Variants in SLC9B1 observed in about 807,000 individuals in gnomAD.
SLC9B1 encodes the protein solute carrier family 9 member B1.
Under a neutral mutation model 51.7 loss-of-function variants are expected in SLC9B1, and 32 were observed. The ratio of observed to expected loss-of-function variants is 0.62; its 90% confidence interval spans 0.47 to 0.83. The LOEUF (loss-of-function observed/expected upper bound fraction) is 0.83. Among genes scored for constraint, SLC9B1 ranks in the 40% least tolerant of loss-of-function variants. The pLI, the probability that SLC9B1 is intolerant of heterozygous loss-of-function variation, is 0.00. For synonymous variants in SLC9B1, 145 were observed against 212.7 expected (o/e 0.68, Z 2.77); for missense variants, 406 against 613.2 (o/e 0.66, Z 3.57).
chr4:102,905,209 G>GTTTATTTGTTTATTTATTTATTTA (rs1734975336), intron 11 of SLC9B1, among the ~76,000 whole-genome samples: 1 of 145,974 alleles, frequency 6.9e-6, no homozygotes, highest in Non-Finnish European at 1.5e-5. Context: ...CTTTGTTTTT[G>GTTTATTTGTTTATTTATTTATTTA]TTTATTTATT....
At chr4:102,931,911 A>G (rs1363215196) in intron 7 of SLC9B1, among the ~76,000 whole-genome samples, 2 of 152,232 alleles carry the variant, frequency 1.3e-5, no homozygotes, top group East Asian at 3.8e-4. Flanking sequence ...TTGTCACATG[A>G]TTATTAAAAT....
At chr4:102,959,440 A>C (rs1162690399) in intron 3 of SLC9B1, among the ~76,000 whole-genome samples, 1 of 152,218 alleles carries the variant, frequency 6.6e-6, no homozygotes, top group Non-Finnish European at 1.5e-5. Context: ...AGAACATTGC[A>C]ATCTGTTAAG....
At chr4:102,962,192 A>G (rs1738172855) in intron 3 of SLC9B1, 5 of 518,540 alleles carry the variant, frequency 9.6e-6, no homozygotes, top group Non-Finnish European at 1.9e-5. Flanking sequence ...TTGCATTTCT[A>G]TCAGAGAGTC....
rs150180655 is a variant in SLC9B1 at position 102,984,446 on chromosome 4, G to A, written c.211+5354C>T. Among the ~76,000 whole-genome samples the A allele has an allele frequency of 2.7e-3, 406 of 152,236 alleles. 2 individuals are homozygous for A. The highest frequency in any genetic ancestry group is 4.3e-3 in the Non-Finnish European group (292 of 68,010). On this transcript the variant is annotated intron_variant, in intron 3 of 11. Transcript: ENST00000296422. ...AAGTATTTTTACCTTTCTCTTGAGA[G>A]TTCTTTGATTTGGTGTTATCTAGAA...
intron 6 of SLC9B1, among the ~76,000 whole-genome samples, chr4:102,939,159 A>G (rs1736865725): frequency 6.6e-6 from 1 of 151,512 alleles, no homozygotes; most frequent in South Asian, 2.1e-4. Flanking sequence ...AAAAAAAGAG[A>G]GAGAGAAGAT....
At chr4:103,001,535 T>C (rs1740523326) in intron 1 of SLC9B1, among the ~76,000 whole-genome samples, 1 of 152,216 alleles carries the variant, frequency 6.6e-6, no homozygotes, top group Admixed American at 6.5e-5. Flanking sequence ...CAGCAGTCTC[T>C]TTGCTAAAGC....
chr4:102,988,631 G>A (rs1475530225), intron 3 of SLC9B1, among the ~76,000 whole-genome samples: 1 of 152,084 alleles, frequency 6.6e-6, no homozygotes, highest in Non-Finnish European at 1.5e-5. Flanking sequence ...TGAATGTAGG[G>A]AGTGTGTTGA....
At position 102,932,206 on chromosome 4, in the gene SLC9B1, G is replaced by C; in HGVS notation, c.747C>G (p.Thr249=). The change falls in exon 7 of 12, where the codon ACC becomes ACG. Residue 249 remains threonine, a synonymous_variant. Coordinates refer to ENST00000296422, the MANE Select transcript of SLC9B1 (RefSeq NM_139173.4). ...NGYGVEEGIP[T]LLMAASSMDD... Reference sequence around the variant, plus strand: ...CCATACTGCTAGCAGCCATTAATAAGGTTGGAATGCCTTCCTCAACACCAT... The same window carrying C: ...CCATACTGCTAGCAGCCATTAATAACGTTGGAATGCCTTCCTCAACACCAT... The C allele has an allele frequency of 1.2e-6, 2 of 1,611,846 alleles. No homozygotes were observed. Among genetic ancestry groups the C allele is most frequent in the East Asian group, 2.2e-5 (1 of 44,866 alleles).
chr4:102,984,788 G>A (rs1739530295), intron 3 of SLC9B1, among the ~76,000 whole-genome samples: 1 of 152,182 alleles, frequency 6.6e-6, no homozygotes, highest in African/African-American at 2.4e-5. Context: ...ATAGACAGGT[G>A]TTAAAGTTCC....
At chr4:102,903,988 A>G (rs1734906911) in intron 11 of SLC9B1, among the ~76,000 whole-genome samples, 3 of 152,158 alleles carry the variant, frequency 2.0e-5, no homozygotes, top group Non-Finnish European at 4.4e-5. Context: ...ATAAATGTGC[A>G]TTTGTGTGAT....
At chr4:103,017,435 C>T (rs1477869933) in intron 1 of SLC9B1, among the ~76,000 whole-genome samples, 1 of 152,156 alleles carries the variant, frequency 6.6e-6, no homozygotes, top group Non-Finnish European at 1.5e-5. Flanking sequence ...GGGTAGATTT[C>T]CATGGCCTAT....
At chr4:102,994,343 G>A (rs1404652289) in intron 1 of SLC9B1, among the ~76,000 whole-genome samples, 13 of 152,162 alleles carry the variant, frequency 8.5e-5, no homozygotes, top group African/African-American at 1.9e-4. Flanking sequence ...CATAGCAAGA[G>A]TGACCTTTAC....
chr4:102,893,281 C>CAAAAAAAAAAAAAAAAAAAAAAAAA (rs58316456), intron 11 of SLC9B1, among the ~76,000 whole-genome samples: 6 of 35,168 alleles, frequency 1.7e-4, no homozygotes, highest in African/African-American at 3.5e-4. Context: ...GACTCCATCT[C>CAAAAAAAAAAAAAAAAAAAAAAAAA]AAAAAAAAAA....
chr4:102,998,151 T>A (rs1374133383), intron 1 of SLC9B1, among the ~76,000 whole-genome samples: 1 of 152,174 alleles, frequency 6.6e-6, no homozygotes, highest in Non-Finnish European at 1.5e-5. Flanking sequence ...TGTGTATGTA[T>A]TAATTAAACA....
At chr4:102,914,356 C>T (rs1223507124) in intron 7 of SLC9B1, among the ~76,000 whole-genome samples, 1 of 151,840 alleles carries the variant, frequency 6.6e-6, no homozygotes. Context: ...CTGCATAACC[C>T]TTCAACTGTA....
At chr4:102,960,334 A>T (rs2110487247) in intron 3 of SLC9B1, among the ~76,000 whole-genome samples, 1 of 152,270 alleles carries the variant, frequency 6.6e-6, no homozygotes, top group East Asian at 1.9e-4. Flanking sequence ...CTGGGTAGAG[A>T]AATAGTAAAA....
chr4:102,989,782 A>AT lies in SLC9B1; in HGVS notation c.211+17dup. 6.6e-7 allele frequency: 1 copy of AT among 1,515,668 alleles called. No homozygotes were observed. The highest frequency in any genetic ancestry group is 8.9e-7 in the Non-Finnish European group (1 of 1,117,490). 93.9% of individuals were successfully genotyped at this position (1,515,668 alleles called of 1,614,324 possible). ...TATTTCTCATCTTCTCTTCATTTACATTTTTTGTTTCACATACCATTTGTA... is the reference window on the plus strand; with the variant it reads ...TATTTCTCATCTTCTCTTCATTTACATTTTTTTGTTTCACATACCATTTGTA... On this transcript the variant is annotated intron_variant, in intron 3 of 11. Coordinates refer to ENST00000296422, the MANE Select transcript of SLC9B1 (RefSeq NM_139173.4).
chr4:103,004,808 A>C (rs1325821377), intron 1 of SLC9B1, among the ~76,000 whole-genome samples: 1 of 152,226 alleles, frequency 6.6e-6, no homozygotes, highest in African/African-American at 2.4e-5. Context: ...AAGAAATTTC[A>C]ACCAAGAATT....
At chr4:102,954,975 G>A (rs1737707844) in intron 3 of SLC9B1, among the ~76,000 whole-genome samples, 1 of 152,146 alleles carries the variant, frequency 6.6e-6, no homozygotes, top group African/African-American at 2.4e-5. Flanking sequence ...ACTCATCAAA[G>A]GCAGTTATCA....
Sources: gnomAD v4.1 joint callset for allele counts (sites outside exome capture counted in the v4.1 genomes callset) on GRCh38, gnomAD v4.1.1 for gene constraint, MANE v1.5 for transcripts, NCBI Gene and HGNC (gene_info 2026-07-23, HGNC 2026-07-21) for gene names.